The following DENND1A variants were observed in gnomAD, a reference collection of about 807,000 sequenced individuals.
DENND1A encodes DENN domain containing 1A.
DENND1A carries 51 observed loss-of-function variants against 113.7 expected under a neutral mutation model. The ratio of observed to expected loss-of-function variants is 0.45; its 90% CI spans 0.36 to 0.57. DENND1A has a LOEUF of 0.57. DENND1A is among the 20% of genes least tolerant of loss of function. DENND1A has a pLI of 0.00. For missense variants in DENND1A, 1,258 were observed against 1,395.9 expected (o/e 0.90, Z 1.57); for synonymous variants, 565 against 570.8 (o/e 0.99, Z 0.14).
intron 2 of DENND1A, among the ~76,000 whole-genome samples, chr9:123,810,394 G>GGT (rs1836354192): frequency 6.6e-6 from 1 of 151,910 alleles, no homozygotes; most frequent in Non-Finnish European, 1.5e-5. Flanking sequence ...GGGGAAGGCA[G>GGT]GTACACAAAC....
At chr9:123,737,610 C>T (rs563251877) in intron 5 of DENND1A, among the ~76,000 whole-genome samples, 16 of 152,236 alleles carry the variant, frequency 1.1e-4, no homozygotes, top group African/African-American at 3.4e-4. Flanking sequence ...ACACATTCCT[C>T]GATCTTTAAA....
intron 21 of DENND1A, among the ~76,000 whole-genome samples, chr9:123,398,570 G>T (rs892296376): frequency 2.0e-5 from 3 of 151,868 alleles, no homozygotes; most frequent in Admixed American, 6.6e-5. Flanking sequence ...GTAGAGACGG[G>T]GTTTCACTGT....
intron 13 of DENND1A, among the ~76,000 whole-genome samples, chr9:123,526,006 T>C (rs1055278239): frequency 9.9e-5 from 15 of 152,110 alleles, no homozygotes; most frequent in South Asian, 4.1e-4. Context: ...TCCTCCCACA[T>C]TGGCCTCCCA....
chr9:123,851,189 C>T (rs1843293906), intron 2 of DENND1A, among the ~76,000 whole-genome samples: 1 of 152,234 alleles, frequency 6.6e-6, no homozygotes, highest in South Asian at 2.1e-4. Flanking sequence ...GCTGCACTCC[C>T]CACCACCCAT....
At chr9:123,855,536 G>A (rs1347206102) in intron 2 of DENND1A, among the ~76,000 whole-genome samples, 1 of 152,124 alleles carries the variant, frequency 6.6e-6, no homozygotes, top group Admixed American at 6.5e-5. Flanking sequence ...TCAATGACAG[G>A]CAGTAGTGAG....
chr9:123,722,396 C>G (rs1564137495), intron 5 of DENND1A, among the ~76,000 whole-genome samples: 1 of 152,208 alleles, frequency 6.6e-6, no homozygotes, highest in Non-Finnish European at 1.5e-5. Context: ...AGGAGAAATT[C>G]AAGCCAGCTG....
At chr9:123,655,598 T>G (rs2139529994) in intron 8 of DENND1A, among the ~76,000 whole-genome samples, 1 of 152,250 alleles carries the variant, frequency 6.6e-6, no homozygotes, top group Admixed American at 6.5e-5. Flanking sequence ...CTACATGTAT[T>G]AAAAATGTAA....
intron 12 of DENND1A, among the ~76,000 whole-genome samples, chr9:123,566,009 G>A (rs2058033299): frequency 6.6e-6 from 1 of 152,100 alleles, no homozygotes; most frequent in Non-Finnish European, 1.5e-5. Context: ...AAATGGCCTA[G>A]GTAGGCACAG....
At chr9:123,860,017 G>T (rs1481124924) in intron 2 of DENND1A, among the ~76,000 whole-genome samples, 1 of 152,142 alleles carries the variant, frequency 6.6e-6, no homozygotes, top group South Asian at 2.1e-4. Context: ...TGAGATGACA[G>T]CATTAAATAT....
intron 6 of DENND1A, among the ~76,000 whole-genome samples, chr9:123,672,867 A>G (rs950617908): frequency 2.6e-5 from 4 of 152,240 alleles, no homozygotes; most frequent in Non-Finnish European, 5.9e-5. Context: ...AGAGAATCAT[A>G]ATAATCTGGA....
intron 2 of DENND1A, among the ~76,000 whole-genome samples, chr9:123,808,818 T>C (rs1031376155): frequency 2.6e-5 from 4 of 152,186 alleles, no homozygotes; most frequent in African/African-American, 9.7e-5. Flanking sequence ...TCTATAATAC[T>C]TCCCAGTGAA....
intron 2 of DENND1A, among the ~76,000 whole-genome samples, chr9:123,827,364 C>T (rs576220009): frequency 3.4e-5 from 5 of 147,094 alleles, no homozygotes; most frequent in East Asian, 3.9e-4. Flanking sequence ...TTTGTTGTGA[C>T]CTTGAATAAT....
Position 123,382,392 on chromosome 9 carries a change from G to A in DENND1A, c.2253C>T (p.Pro751=), listed in dbSNP as rs764435847. 5.6e-6 allele frequency: 9 copies of A among 1,598,684 alleles called. No individual in the cohort carries two copies. In the East Asian group the frequency reaches 1.1e-4, roughly 20 times the overall value. The change falls in exon 24 of 24, where the codon CCC becomes CCT. Residue 751 remains proline, a synonymous_variant. Coordinates refer to ENST00000394215, the MANE Select transcript of DENND1A (RefSeq NM_001352964.2). ...TGGTGATGCTGCCCAGAGTAGGGGT[G>A]GGCACCTCCTCCTTGTCACTGGGGT... ...ILNPSDKEEV[P]TPTLGSITIP... is the part of the protein sequence containing the mutation.
chr9:123,731,617 T>C (rs2068177767), intron 5 of DENND1A, among the ~76,000 whole-genome samples: 1 of 152,050 alleles, frequency 6.6e-6, no homozygotes, highest in Non-Finnish European at 1.5e-5. Flanking sequence ...CTATAAAACT[T>C]TGAGAAGAAA....
intron 13 of DENND1A, among the ~76,000 whole-genome samples, chr9:123,472,728 GC>G (rs1384370520): frequency 6.6e-6 from 1 of 152,012 alleles, no homozygotes; most frequent in Non-Finnish European, 1.5e-5. Flanking sequence ...TTGGGGAGAA[GC>G]CCCCCAAGGT....
At position 123,515,131 on chromosome 9, in the gene DENND1A, C is replaced by T. The variant is rs77355305; in HGVS notation, c.993+42439G>A. Among the ~76,000 whole-genome samples, 924 of 152,266 alleles carry T rather than the reference C, an allele frequency of 6.1e-3. 12 individuals are homozygous for T. The highest frequency in any genetic ancestry group is 0.021 in the African/African-American group (869 of 41,544). ...ATGAAACGGTACTAAAGAGACATAA[C>T]AACCATAGGCAATGTGTGATCCTCG... On this transcript the variant is annotated intron_variant, in intron 13 of 23. Coordinates refer to ENST00000394215, the MANE Select transcript of DENND1A (RefSeq NM_001352964.2).
chr9:123,619,795 T>C (rs371577255), intron 10 of DENND1A, among the ~76,000 whole-genome samples: 27 of 152,216 alleles, frequency 1.8e-4, no homozygotes, highest in Admixed American at 6.5e-5. Context: ...AGCAGAGAAA[T>C]TGAAAAGACA....
intron 1 of DENND1A, among the ~76,000 whole-genome samples, chr9:123,912,214 A>G (rs1361749658): frequency 6.6e-6 from 1 of 152,220 alleles, no homozygotes; most frequent in Non-Finnish European, 1.5e-5. Flanking sequence ...AAGAAAATCT[A>G]CATTAGAAAT....
At chr9:123,415,553 C>T (rs769350698) in intron 19 of DENND1A, among the ~76,000 whole-genome samples, 7 of 152,194 alleles carry the variant, frequency 4.6e-5, no homozygotes, top group Non-Finnish European at 1.0e-4. Context: ...TTGTCACCAG[C>T]GGATTAGACA....
Sources: gnomAD v4.1 joint callset for allele counts (sites outside exome capture counted in the v4.1 genomes callset) on GRCh38, gnomAD v4.1.1 for gene constraint, MANE v1.5 for transcripts, NCBI Gene and HGNC (gene_info 2026-07-23, HGNC 2026-07-21) for gene names.